BST1: variants seen among roughly 807,000 people sequenced by gnomAD.
The protein encoded by BST1 is bone marrow stromal cell antigen 1.
A neutral mutation model predicts 40.6 loss-of-function variants in BST1; 49 were observed. The observed-to-expected ratio is 1.21, with a 90% confidence interval of 0.96 to 1.53. The LOEUF is 1.53. Among genes scored for constraint, BST1 ranks in the 40% most tolerant of loss-of-function variants. BST1 has a pLI of 0.00. For synonymous variants in BST1, 157 were observed against 159.3 expected (o/e 0.99, Z 0.11); for missense variants, 423 against 395.9 (o/e 1.07, Z -0.58).
chr4:15,728,449 C>CTTTTTT (rs974237825), intron 8 of BST1, among the ~76,000 whole-genome samples: 35 of 119,564 alleles, frequency 2.9e-4, no homozygotes, highest in Middle Eastern at 4.2e-3. Context: ...AATTCTTTTT[C>CTTTTTT]TTTTTTTTTT....
intron 8 of BST1, among the ~76,000 whole-genome samples, chr4:15,726,582 T>C (rs967338965): frequency 2.0e-5 from 3 of 152,238 alleles, no homozygotes; most frequent in African/African-American, 4.8e-5. Flanking sequence ...ATTAGTGGTA[T>C]AGACTTTCTA....
chr4:15,730,916 T>C, intron 8 of BST1: 1 of 175,068 alleles, frequency 5.7e-6, no homozygotes, highest in Non-Finnish European at 1.0e-5. Flanking sequence ...ACAATTTGCT[T>C]TTTTTTTTTT....
the BST1 span, among the ~76,000 whole-genome samples, chr4:15,749,497 T>A: frequency 2.6e-5 from 4 of 152,196 alleles, no homozygotes; most frequent in African/African-American, 4.8e-5. Context: ...TCTGCTTTCA[T>A]GGATGAAAGA....
At chr4:15,731,536 A>G (rs4435745) in intron 8 of BST1, 69,294 of 1,035,766 alleles carry the variant, frequency 0.067, 8,060 homozygotes, top group East Asian at 0.54. Flanking sequence ...CAACTCCACC[A>G]TCTCCAGAAA....
At position 15,731,806 on chromosome 4, in the gene BST1, TC is replaced by T; in HGVS notation, c.922del (p.Leu308SerfsTer44). The T allele has an allele frequency of 6.2e-7, 1 of 1,613,766 alleles. No homozygotes were observed. The highest frequency in any genetic ancestry group is 1.1e-5 in the South Asian group (1 of 90,922). ...CAGAACAAAGGGCGGGTCTTATCAT[TC>T]CCCTCTTTCTGGTGCTGGCTTCCAG... Reference protein sequence around the residue: ...YTEQRAGLIIPLFLVLASRTQ... With the variant: ...YTEQRAGLIIXLFLVLASRTQ... On this transcript the variant is annotated frameshift_variant, in exon 9 of 9. Coordinates refer to ENST00000265016, the MANE Select transcript of BST1 (RefSeq NM_004334.3). LOFTEE classifies it low-confidence loss of function (END_TRUNC).
At chr4:15,718,768 C>T (rs1239803070) in intron 6 of BST1, 139 bp from the exon 7 acceptor site, 14 of 681,976 alleles carry the variant, frequency 2.1e-5, no homozygotes, top group Non-Finnish European at 2.8e-5. Context: ...CCTTTTTAAA[C>T]CAGAGACATT....
At chr4:15,768,560 C>T in the BST1 span, among the ~76,000 whole-genome samples, 4 of 144,188 alleles carry the variant, frequency 2.8e-5, no homozygotes, top group Non-Finnish European at 6.0e-5. Flanking sequence ...GTGGCGCAAT[C>T]TCGGCTCACT....
intron 1 of BST1, chr4:15,705,102 A>T (rs1456655983): frequency 4.5e-6 from 3 of 663,390 alleles, no homozygotes; most frequent in Admixed American, 4.3e-5. Context: ...CTCCCTCCTA[A>T]CACTACACAT....
downstream of BST1, among the ~76,000 whole-genome samples, chr4:15,736,856 G>C (rs1204096931): frequency 6.6e-6 from 1 of 152,100 alleles, no homozygotes; most frequent in Admixed American, 6.5e-5. Context: ...TTGTCTTTGT[G>C]TCTGTCATAA....
chr4:15,724,767 A>G (rs1249293827), intron 8 of BST1, among the ~76,000 whole-genome samples: 1 of 152,170 alleles, frequency 6.6e-6, no homozygotes, highest in Non-Finnish European at 1.5e-5. Context: ...TCATCCCCAT[A>G]TAGTTCTTAT....
At chr4:15,707,139 T>C (rs546761885) in intron 2 of BST1, among the ~76,000 whole-genome samples, 3 of 152,190 alleles carry the variant, frequency 2.0e-5, no homozygotes, top group Non-Finnish European at 4.4e-5. Context: ...TTTCCAGAAG[T>C]AGAAACTGAG....
chr4:15,736,152 A>C, downstream of BST1: 1 of 1,281,544 alleles, frequency 7.8e-7, no homozygotes, highest in Non-Finnish European at 1.0e-6. Context: ...GGTTTCAAAC[A>C]TATCATTGCC....
In BST1 at chr4:15,708,773, C is replaced by T. The variant is rs147070599; in HGVS notation, c.451+1127C>T. 5.2e-3 allele frequency among the ~76,000 whole-genome samples: 790 copies of T among 152,024 alleles called. 5 individuals are homozygous for T. Among genetic ancestry groups the T allele is most frequent in the Non-Finnish European group, 8.6e-3 (586 of 67,968 alleles). On this transcript the variant is annotated intron_variant, in intron 3 of 8. Coordinates refer to ENST00000265016, the MANE Select transcript of BST1 (RefSeq NM_004334.3). ...GTGCATGCCTGTAATCACAGCTACTCGGGAGGCTGAGGCAGGAGAATCCCT... is the reference window on the plus strand; with the variant it reads ...GTGCATGCCTGTAATCACAGCTACTTGGGAGGCTGAGGCAGGAGAATCCCT...
In BST1 at chr4:15,703,134, A is replaced by G. The variant is rs548819943; in HGVS notation, c.-11A>G. 2 of 1,584,184 alleles carry G rather than the reference A, an allele frequency of 1.3e-6. No individual in the cohort carries two copies. Among genetic ancestry groups the G allele is most frequent in the Admixed American group, 1.8e-5 (1 of 56,150 alleles). ...GAGGAAGCACGGGACTGGAGGGACC[A>G]AAGTTCCCCGATGGCGGCCCAGGGG... is the stretch of plus-strand genomic sequence containing the variant. On this transcript the variant is annotated 5_prime_UTR_variant, in exon 1 of 9. Coordinates refer to ENST00000265016, the MANE Select transcript of BST1 (RefSeq NM_004334.3).
the BST1 span, among the ~76,000 whole-genome samples, chr4:15,764,668 C>T: frequency 6.6e-5 from 10 of 151,932 alleles, no homozygotes; most frequent in South Asian, 2.1e-4. Flanking sequence ...TTTCTGGTGA[C>T]GACACCCTGA....
At chr4:15,770,597 G>C in the BST1 span, among the ~76,000 whole-genome samples, 1 of 152,166 alleles carries the variant, frequency 6.6e-6, no homozygotes, top group African/African-American at 2.4e-5. Context: ...CTACTCGGGA[G>C]GCTGAGGCAG....
At chr4:15,731,066 T>A (rs958111446) in intron 8 of BST1, 7 of 505,626 alleles carry the variant, frequency 1.4e-5, no homozygotes, top group Middle Eastern at 4.4e-4. Context: ...ACCAAGAAGT[T>A]GACAGGCAGG....
chr4:15,714,621 G>T (rs1193698641), intron 4 of BST1, among the ~76,000 whole-genome samples: 2 of 152,124 alleles, frequency 1.3e-5, no homozygotes, highest in Admixed American at 6.5e-5. Context: ...CAATATTTCA[G>T]TATTATGAGG....
chr4:15,715,749 A>G lies in BST1; in HGVS notation c.654A>G (p.Lys218=). 1 of 1,602,408 alleles carries G rather than the reference A, an allele frequency of 6.2e-7. No homozygotes were observed. ...DYEIPNLQKE[K]ITRIEIWVMH... ...AAATTCCAAACCTCCAGAAGGAAAA[A>G]ATTACACGAATCGAGATCTGGGTTA... The change falls in exon 6 of 9, where the codon AAA becomes AAG. Residue 218 remains lysine (K), a synonymous_variant. Transcript: ENST00000265016.
Sources: allele counts gnomAD v4.1 joint callset (sites outside exome capture counted in the v4.1 genomes callset), GRCh38; gene constraint gnomAD v4.1.1; transcripts MANE v1.5; gene names NCBI Gene and HGNC (gene_info 2026-07-23, HGNC 2026-07-21).